The following MRPL24 variants were observed in gnomAD, a reference collection of about 807,000 sequenced individuals.
MRPL24 encodes the protein large ribosomal subunit protein uL24m.
In MRPL24, 15 loss-of-function variants were observed where a neutral mutation model predicts 26.9. The observed-to-expected ratio is 0.56, with a 90% CI of 0.37 to 0.86. The LOEUF (loss-of-function observed/expected upper bound fraction) is 0.86. Among genes scored for constraint, MRPL24 ranks in the 40% least tolerant of loss-of-function variants. The probability of loss-of-function intolerance (pLI) is 0.00; values close to 1 mark genes in which losing one functional copy is unlikely to be tolerated. For synonymous variants in MRPL24, 92 were observed against 102.4 expected (o/e 0.90, Z 0.62); for missense variants, 241 against 281.4 (o/e 0.86, Z 1.03).
chr1:156,739,102 G>T (rs2102684844), intron 1 of MRPL24, among the ~76,000 whole-genome samples: 1 of 152,294 alleles, frequency 6.6e-6, no homozygotes, highest in East Asian at 1.9e-4. Flanking sequence ...AGCAGGATAG[G>T]AAGAAAACAG....
chr1:156,739,220 T>G (rs1247643131), intron 1 of MRPL24, among the ~76,000 whole-genome samples: 1 of 152,142 alleles, frequency 6.6e-6, no homozygotes, highest in African/African-American at 2.4e-5. Flanking sequence ...CTATCCCACT[T>G]AGAATTCCTA....
At chr1:156,740,807 G>T (rs1460675169) in intron 1 of MRPL24, 1 of 152,204 alleles carries the variant, frequency 6.6e-6, no homozygotes, top group Non-Finnish European at 1.5e-5. Flanking sequence ...TTCCCTGCAT[G>T]TTCTGAAGGC....
At chr1:156,739,828 AT>A (rs1006976803) in intron 1 of MRPL24, among the ~76,000 whole-genome samples, 3 of 149,524 alleles carry the variant, frequency 2.0e-5, no homozygotes, top group African/African-American at 2.5e-5. Flanking sequence ...TGACCCGCTA[AT>A]TTTTTTTTTG....
upstream of MRPL24, among the ~76,000 whole-genome samples, chr1:156,741,806 T>C (rs1237086277): frequency 6.6e-6 from 1 of 152,206 alleles, no homozygotes; most frequent in Non-Finnish European, 1.5e-5. Context: ...TCCCACTTCA[T>C]GGCCATCTTG....
upstream of MRPL24, chr1:156,742,119 C>G (rs955705784): frequency 1.3e-5 from 2 of 152,628 alleles, no homozygotes; most frequent in African/African-American, 4.8e-5. Context: ...TAGTAATCAA[C>G]GGGTTTTATT....
In MRPL24 at chr1:156,738,728, T is replaced by G. The variant is rs866538015; in HGVS notation, c.-24A>C. 1 of 1,558,754 alleles carries G rather than the reference T, an allele frequency of 6.4e-7. No individual in the cohort carries two copies. Among genetic ancestry groups the G allele is most frequent in the Middle Eastern group, 1.7e-4 (1 of 5,768 alleles). On this transcript the variant is annotated 5_prime_UTR_variant, in exon 2 of 6. Transcript: ENST00000361531. ...ATGCCTGGAGGTTGTAAGAAATCCC[T>G]TTGCCAGCAAAACGCTCGAAACCTT...
At position 156,737,664 on chromosome 1, in the gene MRPL24, C is replaced by T. The variant is rs755367900; in HGVS notation, c.496G>A (p.Val166Ile). The T allele has an allele frequency of 5.5e-5, 88 of 1,614,140 alleles. No homozygotes were observed. Among genetic ancestry groups the T allele is most frequent in the Admixed American group, 3.3e-4 (20 of 60,012 alleles). ...CTCTCACCAATCCACGTTTCAGGGA[C>T]GATGCCATCAGCTCTGGGAAATTCG... ...KPEFPRADGI[V>I]PETWIDGPKD... The change falls in exon 5 of 6, where the codon GTC becomes ATC. Residue 166 changes from valine to isoleucine, a missense_variant. Transcript: ENST00000361531.
At position 156,741,020 on chromosome 1, in the gene MRPL24, C is replaced by T. The variant is rs927255282; in HGVS notation, c.-69G>A. The T allele has an allele frequency of 6.6e-6, 1 of 152,260 alleles. No individual in the cohort carries two copies. The highest frequency in any genetic ancestry group is 2.4e-5 in the African/African-American group (1 of 41,444). 9.4% of individuals were successfully genotyped at this position (152,260 alleles called of 1,614,324 possible). On this transcript the variant is annotated 5_prime_UTR_variant, in exon 1 of 6. Coordinates refer to ENST00000361531, the MANE Select transcript of MRPL24 (RefSeq NM_145729.3). ...ATAGGCTCTTCCCGCACCTGCCTCTCGGACGGGCACCTCTAGGGCGGGCGG... is the reference window on the plus strand; with the variant it reads ...ATAGGCTCTTCCCGCACCTGCCTCTTGGACGGGCACCTCTAGGGCGGGCGG...
Position 156,738,660 on chromosome 1 carries a change from C to T in MRPL24, c.45G>A (p.Leu15=), listed in dbSNP as rs1302722632. 1 of 1,597,546 alleles carries T rather than the reference C, an allele frequency of 6.3e-7. No individual in the cohort carries two copies. The change falls in exon 2 of 6, where the codon CTG becomes CTA. Residue 15 remains leucine, a synonymous_variant. Coordinates refer to ENST00000361531, the MANE Select transcript of MRPL24 (RefSeq NM_145729.3). ...ALLALASKVT[L]PPHYRYGMSP... ...TCATCCCATAGCGGTAATGGGGGGG[C>T]AGAGTGACCTTGGATGCCAAGGCCA...
upstream of MRPL24, chr1:156,741,960 A>C (rs1298835531): frequency 1.3e-5 from 2 of 152,406 alleles, no homozygotes; most frequent in Non-Finnish European, 2.9e-5. Context: ...TGCCCACAAG[A>C]AGTTTGGATT....
At chr1:156,739,659 CT>C (rs544634044) in intron 1 of MRPL24, among the ~76,000 whole-genome samples, 166 of 139,410 alleles carry the variant, frequency 1.2e-3, no homozygotes, top group East Asian at 3.9e-3. Flanking sequence ...GGCAACTTAA[CT>C]TTTTTTTTTT....
Position 156,737,848 on chromosome 1 carries a change from T to C in MRPL24, c.384-72A>G. 1.9e-6 allele frequency: 3 copies of C among 1,591,048 alleles called. No homozygotes were observed. In the South Asian group the frequency reaches 3.4e-5, roughly 18 times the overall value. On this transcript the variant is annotated intron_variant, in intron 4 of 5. Coordinates refer to ENST00000361531, the MANE Select transcript of MRPL24 (RefSeq NM_145729.3). Reference sequence around the variant, plus strand: ...CCACCCTCCAACCCAAAAGAGTCAGTGGTTCAAAACACAAGGGTTACCACC... The same window carrying C: ...CCACCCTCCAACCCAAAAGAGTCAGCGGTTCAAAACACAAGGGTTACCACC...
At chr1:156,742,705 AT>A, upstream of MRPL24, 1 of 154,694 alleles carries the variant, frequency 6.5e-6, no homozygotes, top group East Asian at 1.9e-4. Flanking sequence ...AGGGGGACAG[AT>A]GCTCAACACT....
chr1:156,738,631 G>A lies in MRPL24; in HGVS notation c.74C>T (p.Pro25Leu), dbSNP rs1441068914. ...LPPHYRYGMS[P>L]PGSVADKRKN... is the part of the protein sequence containing the mutation. Reference sequence around the variant, plus strand: ...CCTCTTGTCTGCAACAGAGCCTGGGGGGCTCATCCCATAGCGGTAATGGGG... The same window carrying A: ...CCTCTTGTCTGCAACAGAGCCTGGGAGGCTCATCCCATAGCGGTAATGGGG... The change falls in exon 2 of 6, where the codon CCC (proline) becomes CTC (leucine). Residue 25 changes from proline to leucine, a missense_variant. Pro to Leu is a moderately conservative substitution (Grantham distance 98). Coordinates refer to ENST00000361531, the MANE Select transcript of MRPL24 (RefSeq NM_145729.3). 1.1e-5 allele frequency: 17 copies of A among 1,611,034 alleles called. No homozygotes were observed. The highest frequency in any genetic ancestry group is 1.4e-5 in the Non-Finnish European group (16 of 1,179,012).
rs751039390 is a variant in MRPL24 at position 156,738,343 on chromosome 1, T to C, written c.279A>G (p.Thr93=). 1.9e-6 allele frequency: 3 copies of C among 1,613,986 alleles called. No homozygotes were observed. The highest frequency in any genetic ancestry group is 2.5e-6 in the Non-Finnish European group (3 of 1,179,890). ...ATCCCCATCCCCTCTCTCAACTTAC[T>C]GTGTTCAGCCCTCCCACGACCACCC... is the stretch of plus-strand genomic sequence containing the variant. ...RNWVVVGGLN[T]HYRYIGKTMD... is the part of the protein sequence containing the mutation. Residue 93 remains threonine (T), a splice_region_variant and synonymous_variant, in exon 3 of 6, where the codon ACA becomes ACG. Transcript: ENST00000361531.
chr1:156,738,291 G>A, intron 3 of MRPL24, 52 bp downstream of exon 3: 12 of 1,579,102 alleles, frequency 7.6e-6, no homozygotes, highest in Non-Finnish European at 9.6e-6. Context: ...TGAATGGAGA[G>A]GGACAGATGA....
upstream of MRPL24, chr1:156,741,420 G>T (rs1650105433): frequency 1.3e-5 from 2 of 152,238 alleles, no homozygotes; most frequent in Admixed American, 1.3e-4. Context: ...CCTGTTCAAG[G>T]CAAAGGGCCG....
rs769786525 is a variant in MRPL24 at position 156,738,717 on chromosome 1, T to G, written c.-13A>C. ...CAGAAAGACGCATGCCTGGAGGTTG[T>G]AAGAAATCCCTTTGCCAGCAAAACG... On this transcript the variant is annotated 5_prime_UTR_variant, in exon 2 of 6. Coordinates refer to ENST00000361531, the MANE Select transcript of MRPL24 (RefSeq NM_145729.3). The G allele has an allele frequency of 6.4e-7, 1 of 1,566,830 alleles. No individual in the cohort carries two copies. The highest frequency in any genetic ancestry group is 8.6e-7 in the Non-Finnish European group (1 of 1,162,136).
At chr1:156,738,287 GA>G in intron 3 of MRPL24, 55 bp downstream of exon 3, 1 of 1,573,502 alleles carries the variant, frequency 6.4e-7, no homozygotes, top group South Asian at 1.1e-5. Flanking sequence ...GCTCTGAATG[GA>G]GAGGGACAGA....
Sources: allele counts gnomAD v4.1 joint callset (sites outside exome capture counted in the v4.1 genomes callset), GRCh38; gene constraint gnomAD v4.1.1; transcripts MANE v1.5; gene names NCBI Gene and HGNC (gene_info 2026-07-23, HGNC 2026-07-21).